DOK6: variants seen among roughly 807,000 people sequenced by gnomAD.
DOK6 encodes the protein docking protein 6.
DOK6 carries 22 observed loss-of-function variants against 44.0 expected under a neutral mutation model. The observed-to-expected ratio is 0.50, with a 90% CI of 0.36 to 0.71. The LOEUF is 0.71. Ranked by LOEUF, DOK6 falls within the 30% of genes least tolerant of loss-of-function variation. The pLI is 0.00. For missense variants in DOK6, 340 were observed against 416.4 expected (o/e 0.82, Z 1.60); for synonymous variants, 166 against 145.5 (o/e 1.14, Z -1.01).
At chr18:69,801,771 C>T (rs1238987024) in intron 7 of DOK6, among the ~76,000 whole-genome samples, 1 of 152,164 alleles carries the variant, frequency 6.6e-6, no homozygotes, top group East Asian at 1.9e-4. Flanking sequence ...AGATTAAAAC[C>T]ATCTTATGTG....
intron 4 of DOK6, among the ~76,000 whole-genome samples, chr18:69,689,766 G>A (rs1323981170): frequency 2.0e-5 from 3 of 152,006 alleles, no homozygotes; most frequent in South Asian, 4.1e-4. Context: ...AGCAAATTGA[G>A]CTAAAAATTG....
intron 1 of DOK6, among the ~76,000 whole-genome samples, chr18:69,436,203 T>C (rs1303176669): frequency 6.7e-6 from 1 of 150,190 alleles, no homozygotes; most frequent in African/African-American, 2.5e-5. Flanking sequence ...AATTCTGGGA[T>C]ACATGTGCAG....
At chr18:69,520,354 T>G (rs903682104) in intron 1 of DOK6, among the ~76,000 whole-genome samples, 1 of 151,876 alleles carries the variant, frequency 6.6e-6, no homozygotes, top group Non-Finnish European at 1.5e-5. Flanking sequence ...CCTATTATCC[T>G]CTTTGTGTGA....
chr18:69,784,415 T>C (rs1038539269), intron 7 of DOK6, among the ~76,000 whole-genome samples: 27 of 151,858 alleles, frequency 1.8e-4, no homozygotes, highest in African/African-American at 5.5e-4. Flanking sequence ...GGAGTTTTTA[T>C]ATATAAATAA....
intron 5 of DOK6, among the ~76,000 whole-genome samples, chr18:69,705,992 G>A (rs1986624564): frequency 6.6e-6 from 1 of 151,490 alleles, no homozygotes; most frequent in Admixed American, 6.6e-5. Flanking sequence ...CTTTGATATA[G>A]CCATCCAGGT....
At chr18:69,450,669 G>C (rs1979434671) in intron 1 of DOK6, among the ~76,000 whole-genome samples, 1 of 152,052 alleles carries the variant, frequency 6.6e-6, no homozygotes, top group Admixed American at 6.5e-5. Flanking sequence ...AGAAAGGTTG[G>C]GTTACCCTCA....
At chr18:69,517,603 T>C (rs188114045) in intron 1 of DOK6, among the ~76,000 whole-genome samples, 7 of 152,320 alleles carry the variant, frequency 4.6e-5, no homozygotes, top group African/African-American at 1.7e-4. Flanking sequence ...TATATGTTTT[T>C]GTTCATTATT....
chr18:69,561,331 G>A (rs546207231), intron 1 of DOK6, among the ~76,000 whole-genome samples: 11 of 152,078 alleles, frequency 7.2e-5, no homozygotes, highest in Non-Finnish European at 1.5e-4. Flanking sequence ...CTTGATGTTT[G>A]CATTTCCAAA....
rs150514867 is a variant in DOK6, at chr18:69,775,778, T to C, written c.856+17905T>C. On this transcript the variant is annotated intron_variant, in intron 7 of 7. Transcript: ENST00000382713. ...AGATTGAGTTTTAAAAGCCCAACTT[T>C]GTGCGTTTCTAACAGAAAACATCTA... 2.0e-3 allele frequency among the ~76,000 whole-genome samples: 303 copies of C among 152,060 alleles called. 1 individual carries two copies. Among genetic ancestry groups the C allele is most frequent in the Middle Eastern group, 3.4e-3 (1 of 294 alleles).
intron 4 of DOK6, among the ~76,000 whole-genome samples, chr18:69,690,040 A>G (rs117907450): frequency 0.028 from 4,253 of 152,258 alleles, 79 homozygotes; most frequent in Middle Eastern, 0.075. Context: ...CTAAGGTTTA[A>G]CAGTTAAATT....
intron 7 of DOK6, among the ~76,000 whole-genome samples, chr18:69,822,179 G>T (rs532375928): frequency 6.6e-6 from 1 of 152,130 alleles, no homozygotes; most frequent in Non-Finnish European, 1.5e-5. Context: ...TGAATAATGG[G>T]TAAATGTCAG....
intron 7 of DOK6, among the ~76,000 whole-genome samples, chr18:69,787,242 C>CGTTT (rs1980459452): frequency 6.6e-6 from 1 of 152,104 alleles, no homozygotes; most frequent in East Asian, 1.9e-4. Context: ...CAAAACAAAA[C>CGTTT]TTGATGAATT....
chr18:69,433,637 C>G (rs927494755), intron 1 of DOK6, among the ~76,000 whole-genome samples: 25 of 151,694 alleles, frequency 1.6e-4, no homozygotes, highest in African/African-American at 5.6e-4. Context: ...ATTTTAGAAG[C>G]TTTGCACTGT....
At chr18:69,746,964 C>T (rs1979005883) in intron 6 of DOK6, among the ~76,000 whole-genome samples, 1 of 152,130 alleles carries the variant, frequency 6.6e-6, no homozygotes, top group South Asian at 2.1e-4. Flanking sequence ...TACAGTGAGT[C>T]ATGGGGAAGA....
intron 1 of DOK6, among the ~76,000 whole-genome samples, chr18:69,473,690 G>A (rs17184424): frequency 0.47 from 71,966 of 152,054 alleles, 17,557 homozygotes; most frequent in Admixed American, 0.57. Context: ...AATCCCTTCA[G>A]TGTTACAATG....
intron 1 of DOK6, among the ~76,000 whole-genome samples, chr18:69,434,410 T>C (rs1471484985): frequency 6.6e-6 from 1 of 152,134 alleles, no homozygotes; most frequent in African/African-American, 2.4e-5. Context: ...ATGAAAGAAG[T>C]AACAAGTGCC....
At chr18:69,707,851 T>G (rs2144712167) in intron 5 of DOK6, among the ~76,000 whole-genome samples, 1 of 152,190 alleles carries the variant, frequency 6.6e-6, no homozygotes, top group Middle Eastern at 3.4e-3. Context: ...CAAGTTTAAT[T>G]GTAGGGACTC....
chr18:69,794,773 T>C (rs1421844593), intron 7 of DOK6, among the ~76,000 whole-genome samples: 1 of 152,054 alleles, frequency 6.6e-6, no homozygotes, highest in African/African-American at 2.4e-5. Flanking sequence ...ACCTGAGCTC[T>C]ACCTCCTGTC....
intron 1 of DOK6, among the ~76,000 whole-genome samples, chr18:69,563,169 G>A (rs1453321184): frequency 1.3e-5 from 2 of 152,192 alleles, no homozygotes; most frequent in African/African-American, 4.8e-5. Context: ...TGGAGAGGAT[G>A]TGGAGAAATA....
Sources: allele counts gnomAD v4.1 joint callset (sites outside exome capture counted in the v4.1 genomes callset), GRCh38; gene constraint gnomAD v4.1.1; transcripts MANE v1.5; gene names NCBI Gene and HGNC (gene_info 2026-07-23, HGNC 2026-07-21).